CCPG1: variants seen among roughly 807,000 people sequenced by gnomAD.
CCPG1 encodes cell cycle progression 1.
In CCPG1, 46 loss-of-function variants were observed where a neutral mutation model predicts 81.3. That is an observed-to-expected ratio of 0.57 (90% CI 0.45 to 0.72). The LOEUF (loss-of-function observed/expected upper bound fraction) is 0.72, where lower values mean the gene tolerates loss of function less well. Among genes scored for constraint, CCPG1 ranks in the 30% least tolerant of loss-of-function variants. The probability of loss-of-function intolerance (pLI) is 0.00; values close to 1 mark genes in which losing one functional copy is unlikely to be tolerated. For missense variants in CCPG1, 902 were observed against 937.6 expected, an observed-to-expected ratio of 0.96 and a Z score of 0.50; for synonymous variants, 330 against 305.2, an observed-to-expected ratio of 1.08 and a Z score of -0.85.
At chr15:55,378,028 T>C (rs2056602486) in intron 4 of CCPG1, among the ~76,000 whole-genome samples, 1 of 152,090 alleles carries the variant, frequency 6.6e-6, no homozygotes, top group African/African-American at 2.4e-5. Context: ...GAACCACCAT[T>C]TTAGACATGA....
chr15:55,356,271 C>T lies in CCPG1; in HGVS notation c.2373G>A (p.Met791Ile), dbSNP rs1461604182. 8 of 1,534,810 alleles carry T rather than the reference C, an allele frequency of 5.2e-6. No individual in the cohort carries two copies. Among genetic ancestry groups the T allele is most frequent in the Non-Finnish European group, 7.0e-6 (8 of 1,146,330 alleles). ...HKYGRTNGRQMANLEIELGQL... is the reference protein window; with the variant it reads ...HKYGRTNGRQIANLEIELGQL... The stretch of plus-strand genomic sequence containing the variant: ...GCCCCAATTCTATTTCAAGATTTGC[C>T]ATTTGTCTTCCATTAGTGCGACCAT... The change falls in exon 9 of 9, where the codon ATG (methionine) becomes ATA (isoleucine). Residue 791 changes from methionine to isoleucine, a missense_variant. By Grantham distance (10) the Met-to-Ile change is conservative. Transcript: ENST00000442196.
chr15:55,357,815 C>T (rs1225571149), intron 8 of CCPG1: 3 of 152,136 alleles, frequency 2.0e-5, no homozygotes, highest in Non-Finnish European at 4.4e-5. Flanking sequence ...TGTCACTGCA[C>T]TCCAGCCTGG....
rs56191750 is a variant in CCPG1 at position 55,399,417 on chromosome 15, CA to C, written c.-10+8803del. 4.7e-3 allele frequency among the ~76,000 whole-genome samples: 295 copies of C among 63,126 alleles called. 2 individuals carry two copies. In the East Asian group the frequency reaches 0.098, roughly 21 times the overall value. The allele number at this position is 63,126 out of a possible 152,430, so 41.4% of individuals were successfully genotyped here. ...GCAAACCTCATCTCCACTAAAAATACAAAAAAAAAAAAAAAAAAAAAACTAG... is the reference window on the plus strand; with the variant it reads ...GCAAACCTCATCTCCACTAAAAATACAAAAAAAAAAAAAAAAAAAAACTAG... On this transcript the variant is annotated intron_variant, in intron 1 of 8. Coordinates refer to ENST00000442196, the MANE Select transcript of CCPG1 (RefSeq NM_001204450.2).
intron 1 of CCPG1, among the ~76,000 whole-genome samples, chr15:55,390,407 T>G (rs1283683980): frequency 1.3e-5 from 2 of 151,694 alleles, no homozygotes; most frequent in Non-Finnish European, 2.9e-5. Context: ...CTGAAACTCC[T>G]TTAAACTTCA....
chr15:55,397,788 C>A (rs933123786), intron 1 of CCPG1, among the ~76,000 whole-genome samples: 6 of 152,188 alleles, frequency 3.9e-5, no homozygotes, highest in Non-Finnish European at 7.4e-5. Context: ...ACCAGCCTGA[C>A]CAACATGGTG....
intron 3 of CCPG1, among the ~76,000 whole-genome samples, chr15:55,382,792 A>G (rs1359506036): frequency 6.6e-6 from 1 of 152,132 alleles, no homozygotes; most frequent in Non-Finnish European, 1.5e-5. Context: ...TATAGGCATG[A>G]GCCACCACAC....
At chr15:55,398,769 A>T (rs2057070967) in intron 1 of CCPG1, among the ~76,000 whole-genome samples, 1 of 151,944 alleles carries the variant, frequency 6.6e-6, no homozygotes, top group Non-Finnish European at 1.5e-5. Flanking sequence ...TTTAGTAGAG[A>T]TGCGGTTTCA....
intron 6 of CCPG1, 110 bp from the exon 7 acceptor site, chr15:55,365,419 G>GT (rs111247245): frequency 0.11 from 49,904 of 460,956 alleles, 264 homozygotes; most frequent in East Asian, 0.16. Flanking sequence ...TCTTTTTTTT[G>GT]TTTTTTTTTT....
Position 55,376,961 on chromosome 15 carries a change from G to C in CCPG1, c.442C>G (p.Gln148Glu), listed in dbSNP as rs765741117. The C allele has an allele frequency of 6.2e-7, 1 of 1,612,532 alleles. No homozygotes were observed. Among genetic ancestry groups the C allele is most frequent in the South Asian group, 1.1e-5 (1 of 91,068 alleles). Residue 148 changes from glutamine to glutamate, a missense_variant, in exon 5 of 9, where the codon CAG becomes GAG. Gln to Glu is a conservative substitution (Grantham distance 29). Coordinates refer to ENST00000442196, the MANE Select transcript of CCPG1 (RefSeq NM_001204450.2). ...SSSSSQYTFC[Q>E]PETVFSSQPS... ...AGTGTATTCTTACCAGTTTCTGGCT[G>C]ACAGAAAGTATACTGGCTGCTAGAG...
intron 3 of CCPG1, among the ~76,000 whole-genome samples, chr15:55,379,458 T>C (rs2056635032): frequency 6.6e-6 from 1 of 151,576 alleles, no homozygotes; most frequent in South Asian, 2.1e-4. Flanking sequence ...AGCCTAGGAG[T>C]TGAGGCTGCA....
At chr15:55,380,785 C>G (rs1392793743) in intron 3 of CCPG1, among the ~76,000 whole-genome samples, 1 of 151,876 alleles carries the variant, frequency 6.6e-6, no homozygotes, top group Non-Finnish European at 1.5e-5. Flanking sequence ...GCGGCTGAGG[C>G]AGGCAGACCA....
At chr15:55,405,156 T>G (rs941828172) in intron 1 of CCPG1, among the ~76,000 whole-genome samples, 8 of 150,650 alleles carry the variant, frequency 5.3e-5, no homozygotes, top group African/African-American at 1.7e-4. Flanking sequence ...AGGTCGGGAG[T>G]TTGAGACCAG....
At chr15:55,390,694 C>A (rs2056896688) in intron 1 of CCPG1, among the ~76,000 whole-genome samples, 1 of 152,112 alleles carries the variant, frequency 6.6e-6, no homozygotes, top group African/African-American at 2.4e-5. Flanking sequence ...AACTCCTAGC[C>A]TCAAGTCAGA....
rs764980748 is a variant in CCPG1 at position 55,356,052 on chromosome 15, T to C, written c.*168A>G. On this transcript the variant is annotated 3_prime_UTR_variant, in exon 9 of 9. Transcript: ENST00000442196. The stretch of plus-strand genomic sequence containing the variant: ...TAAACTACAGGAAAATGCAGGTTAG[T>C]AGACTTTTAACTAATGCTTCTGAGG... The C allele has an allele frequency of 1.7e-5, 10 of 583,378 alleles. No individual in the cohort carries two copies. The highest frequency in any genetic ancestry group is 2.3e-5 in the Non-Finnish European group (8 of 350,542). 36.1% of individuals were successfully genotyped at this position (583,378 alleles called of 1,614,324 possible).
intron 3 of CCPG1, among the ~76,000 whole-genome samples, chr15:55,384,990 G>T (rs901177077): frequency 6.6e-6 from 1 of 152,134 alleles, no homozygotes; most frequent in Non-Finnish European, 1.5e-5. Flanking sequence ...CAAGGAAATA[G>T]AAACTACCAA....
chr15:55,356,164 A>G lies in CCPG1; in HGVS notation c.*56T>C. 2.3e-6 allele frequency: 3 copies of G among 1,315,670 alleles called. No homozygotes were observed. Among genetic ancestry groups the G allele is most frequent in the South Asian group, 2.8e-5 (2 of 72,414 alleles). 81.5% of individuals were successfully genotyped at this position (1,315,670 alleles called of 1,614,324 possible). A position where few individuals can be genotyped will look rare whatever the true frequency, so the allele number is the denominator to read the frequency against. On this transcript the variant is annotated 3_prime_UTR_variant, in exon 9 of 9. Transcript: ENST00000442196. The stretch of plus-strand genomic sequence containing the variant: ...AATTTCATTAGTTTCAATACCAAAC[A>G]TTATACAAAGCATAAATTTTTCTCT...
chr15:55,399,965 C>T (rs1194828695), intron 1 of CCPG1: 2 of 151,524 alleles, frequency 1.3e-5, no homozygotes, highest in African/African-American at 4.9e-5. Flanking sequence ...CGTGGTGGCT[C>T]ACACCTATAA....
chr15:55,381,159 G>A (rs1347782107), intron 3 of CCPG1, among the ~76,000 whole-genome samples: 3 of 148,514 alleles, frequency 2.0e-5, no homozygotes, highest in African/African-American at 7.5e-5. Context: ...AATTAGGCCG[G>A]GCACAGTGGC....
intron 5 of CCPG1, chr15:55,372,760 T>G (rs1004449910): frequency 3.4e-6 from 1 of 294,062 alleles, no homozygotes; most frequent in African/African-American, 2.3e-5. Flanking sequence ...AAAGAGGTAA[T>G]TTAAGTGCAA....
Sources: gnomAD v4.1 joint callset for allele counts (sites outside exome capture counted in the v4.1 genomes callset) on GRCh38, gnomAD v4.1.1 for gene constraint, MANE v1.5 for transcripts, NCBI Gene and HGNC (gene_info 2026-07-23, HGNC 2026-07-21) for gene names.